The following HPSE variants were observed in gnomAD, a reference collection of about 807,000 sequenced individuals.
HPSE encodes the protein endo-glucoronidase.
HPSE carries 48 observed loss-of-function variants against 65.1 expected under a neutral mutation model. That is an observed-to-expected ratio of 0.74 (90% CI 0.58 to 0.94). The LOEUF (loss-of-function observed/expected upper bound fraction) is 0.94, where lower values mean the gene tolerates loss of function less well. HPSE is among the 40% of genes least tolerant of loss of function. The pLI, the probability that HPSE is intolerant of heterozygous loss-of-function variation, is 0.00. For missense variants in HPSE, 644 were observed against 637.5 expected (o/e 1.01, Z -0.11); for synonymous variants, 243 against 260.0 (o/e 0.93, Z 0.63).
chr4:83,295,918 GT>G (rs1161105593), intron 11 of HPSE, among the ~76,000 whole-genome samples: 1 of 152,166 alleles, frequency 6.6e-6, no homozygotes, highest in African/African-American at 2.4e-5. Context: ...ATTGAATGCA[GT>G]TTTTATGAAT....
rs573357773 is a variant in HPSE, at chr4:83,311,666, A to G, written c.674-776T>C. ...AATTGGCTAGGCATAGTGTAGTCCTAGCTAATCAGGGGGCTGAGGTGTGAG... is the reference window on the plus strand; with the variant it reads ...AATTGGCTAGGCATAGTGTAGTCCTGGCTAATCAGGGGGCTGAGGTGTGAG... On this transcript the variant is annotated intron_variant, in intron 4 of 11. Coordinates refer to ENST00000311412, the MANE Select transcript of HPSE (RefSeq NM_001098540.3). Among the ~76,000 whole-genome samples, 4 of 151,928 alleles carry G rather than the reference A, an allele frequency of 2.6e-5. No individual in the cohort carries two copies. The South Asian group carries it at 8.3e-4, about 32-fold the overall frequency.
intron 4 of HPSE, among the ~76,000 whole-genome samples, chr4:83,311,298 C>A (rs916004142): frequency 1.3e-5 from 2 of 151,634 alleles, no homozygotes; most frequent in Non-Finnish European, 2.9e-5. Context: ...GAGCAAGCGT[C>A]TGTCTCAAAA....
intron 10 of HPSE, among the ~76,000 whole-genome samples, chr4:83,301,815 C>T (rs918154203): frequency 3.6e-4 from 55 of 152,228 alleles, no homozygotes; most frequent in South Asian, 6.2e-4. Flanking sequence ...CCAGAAACTG[C>T]GGTCACAACT....
intron 3 of HPSE, 131 bp from the exon 4 acceptor site, chr4:83,313,418 A>G (rs1736500044): frequency 1.7e-6 from 1 of 597,492 alleles, no homozygotes; most frequent in East Asian, 3.0e-5. Flanking sequence ...AATGATTATA[A>G]TTATGTTTTT....
At chr4:83,310,917 A>C in intron 4 of HPSE, 27 bp from the exon 5 acceptor site, 1 of 1,555,484 alleles carries the variant, frequency 6.4e-7, no homozygotes, top group Non-Finnish European at 8.8e-7. Context: ...CTCAAAATAT[A>C]TATCGAGAAA....
At chr4:83,329,251 G>A (rs1737270076) in intron 1 of HPSE, among the ~76,000 whole-genome samples, 1 of 152,104 alleles carries the variant, frequency 6.6e-6, no homozygotes, top group Admixed American at 6.5e-5. Context: ...TGGAAATGAA[G>A]CATTAAAATG....
chr4:83,334,709 G>T lies in HPSE; in HGVS notation c.74C>A (p.Ser25Tyr). 1 of 1,568,204 alleles carries T rather than the reference G, an allele frequency of 6.4e-7. No homozygotes were observed. Among genetic ancestry groups the T allele is most frequent in the Non-Finnish European group, 8.6e-7 (1 of 1,156,312 alleles). Residue 25 changes from serine to tyrosine, a missense_variant, in exon 1 of 12, where the codon TCC (serine) becomes TAC (tyrosine). Ser to Tyr is a moderately radical substitution (Grantham distance 144). Transcript: ENST00000311412. ...CGCAGGTCGGGGCAGGGCGCCAGGG[G>T]AGAGGGGACCCAGCGGCCCCAGGAG... is the stretch of plus-strand genomic sequence containing the variant. ...LLLLGPLGPL[S>Y]PGALPRPAQA...
chr4:83,329,047 G>A (rs779370598), intron 1 of HPSE, among the ~76,000 whole-genome samples: 17 of 152,096 alleles, frequency 1.1e-4, no homozygotes, highest in Non-Finnish European at 2.1e-4. Flanking sequence ...AGGTGAAGGT[G>A]GAGTCAGAGA....
In HPSE at chr4:83,319,469, T is replaced by A; in HGVS notation, c.374A>T (p.Asp125Val). The change falls in exon 3 of 12, where the codon GAT becomes GTT. Residue 125 changes from aspartate to valine, a missense_variant and splice_region_variant. Physicochemically the swap from Asp to Val is radical, Grantham distance 152. Transcript: ENST00000311412. Reference sequence around the variant, plus strand: ...AGGGATGGATCCATATTTGCAAATATCTGCAAGTGGAAGAGATCATTTAGA... The same window carrying A: ...AGGGATGGATCCATATTTGCAAATAACTGCAAGTGGAAGAGATCATTTAGA... Reference protein sequence around the residue: ...RSYWQSQVNQDICKYGSIPPD... With the variant: ...RSYWQSQVNQVICKYGSIPPD... The A allele has an allele frequency of 1.2e-6, 2 of 1,613,654 alleles. No individual in the cohort carries two copies. Among genetic ancestry groups the A allele is most frequent in the Non-Finnish European group, 1.7e-6 (2 of 1,179,630 alleles).
chr4:83,302,930 G>A (rs1393501204), intron 9 of HPSE, among the ~76,000 whole-genome samples: 1 of 152,146 alleles, frequency 6.6e-6, no homozygotes. Flanking sequence ...AGCCGTGATT[G>A]TGCCACTGCA....
intron 8 of HPSE, 80 bp downstream of exon 8, chr4:83,308,765 G>T: frequency 3.8e-6 from 4 of 1,066,152 alleles, no homozygotes; most frequent in Non-Finnish European, 5.7e-6. Flanking sequence ...CTGCTTTTTG[G>T]CTGGGGAGCT....
rs917757219 is a variant in HPSE at position 83,326,877 on chromosome 4, C to T, written c.228-4513G>A. 2.6e-5 allele frequency among the ~76,000 whole-genome samples: 4 copies of T among 152,136 alleles called. No homozygotes were observed. Among genetic ancestry groups the T allele is most frequent in the Non-Finnish European group, 5.9e-5 (4 of 68,020 alleles). On this transcript the variant is annotated intron_variant, in intron 1 of 11. Transcript: ENST00000311412. This position sits in a 1 kb window ranked among gnomAD's most constrained non-coding sequence, Gnocchi z 4.2. Reference sequence around the variant, plus strand: ...CAAGAGACTGGGAAGTGGGAGGAAACGAGCACCTGGAAAAGTTGCTGTGGC... The same window carrying T: ...CAAGAGACTGGGAAGTGGGAGGAAATGAGCACCTGGAAAAGTTGCTGTGGC...
intron 9 of HPSE, among the ~76,000 whole-genome samples, chr4:83,305,779 A>G (rs556343903): frequency 2.2e-4 from 34 of 152,332 alleles, no homozygotes; most frequent in African/African-American, 8.2e-4. Flanking sequence ...ATTTTTAAGC[A>G]AACACATGGT....
At position 83,298,481 on chromosome 4, in the gene HPSE, T is replaced by A. The variant is rs560551040; in HGVS notation, c.1472+2479A>T. ...GTGAGACCTTGTCTCTATTTTTTTT[T>A]AAAAAAAAACAGATGTTCATTTAAA... On this transcript the variant is annotated intron_variant, in intron 11 of 11. Coordinates refer to ENST00000311412, the MANE Select transcript of HPSE (RefSeq NM_001098540.3). 2.6e-4 allele frequency among the ~76,000 whole-genome samples: 39 copies of A among 150,894 alleles called. 1 individual carries two copies. The highest frequency in any genetic ancestry group is 2.5e-3 in the South Asian group (12 of 4,766).
At chr4:83,309,259 A>T in intron 7 of HPSE, 143 bp downstream of exon 7, 1 of 616,252 alleles carries the variant, frequency 1.6e-6, no homozygotes, top group Non-Finnish European at 2.9e-6. Flanking sequence ...TGCTAAGGGG[A>T]AAACTAACAG....
chr4:83,307,252 C>G (rs1736176100), intron 8 of HPSE, among the ~76,000 whole-genome samples: 1 of 152,208 alleles, frequency 6.6e-6, no homozygotes, highest in Non-Finnish European at 1.5e-5. Flanking sequence ...TCTATCTAGA[C>G]AGCAGGCAAG....
At chr4:83,324,255 G>C (rs1161505216) in intron 1 of HPSE, among the ~76,000 whole-genome samples, 1 of 151,448 alleles carries the variant, frequency 6.6e-6, no homozygotes, top group East Asian at 1.9e-4. Context: ...CCAAAGTGTT[G>C]GGATTATAGG....
At chr4:83,309,606 A>C in intron 6 of HPSE, 111 bp from the exon 7 acceptor site, 1 of 682,852 alleles carries the variant, frequency 1.5e-6, no homozygotes. Context: ...CCTGTTACTA[A>C]AAAAAGGTAG....
chr4:83,302,201 C>A lies in HPSE; in HGVS notation c.1274G>T (p.Gly425Val), dbSNP rs145736615. 2 of 1,613,950 alleles carry A rather than the reference C, an allele frequency of 1.2e-6. No homozygotes were observed. Among genetic ancestry groups the A allele is most frequent in the Non-Finnish European group, 8.5e-7 (1 of 1,179,880 alleles). The change falls in exon 10 of 12, where the codon GGT becomes GTT. Residue 425 changes from glycine (G) to valine (V), a missense_variant. By Grantham distance (109) the Gly-to-Val change is moderately radical. Coordinates refer to ENST00000311412, the MANE Select transcript of HPSE (RefSeq NM_001098540.3). ...GTKVLMASVQGSKRRKLRVYL... is the reference protein window; with the variant it reads ...GTKVLMASVQVSKRRKLRVYL... ...TACTCGAAGCTTCCTTCTCTTTGAA[C>A]CTTGCACGCTTGCCATTAACACCTT...
Sources: allele counts gnomAD v4.1 joint callset (sites outside exome capture counted in the v4.1 genomes callset), GRCh38; gene constraint gnomAD v4.1.1; non-coding constraint Gnocchi (gnomAD v3.1); transcripts MANE v1.5; gene names NCBI Gene and HGNC (gene_info 2026-07-23, HGNC 2026-07-21).